The following PCDHGA10 variants were observed in gnomAD, a reference collection of about 807,000 sequenced individuals.
PCDHGA10 encodes protocadherin gamma subfamily A, 10, also known as protocadherin gamma-A10.
PCDHGA10 carries 42 observed loss-of-function variants against 59.5 expected under a neutral mutation model. The observed-to-expected ratio is 0.71, with a 90% CI of 0.55 to 0.91. The LOEUF (loss-of-function observed/expected upper bound fraction) is 0.91, where lower values mean the gene tolerates loss of function less well. PCDHGA10 is among the 40% of genes least tolerant of loss of function. The pLI is 0.00. For missense variants in PCDHGA10, 1,111 were observed against 1,198.2 expected, an observed-to-expected ratio of 0.93 and a Z score of 1.07; for synonymous variants, 511 against 517.2, an observed-to-expected ratio of 0.99 and a Z score of 0.16.
intron 1 of PCDHGA10, chr5:141,419,306 C>A: frequency 1.9e-6 from 3 of 1,614,032 alleles, no homozygotes; most frequent in Non-Finnish European, 2.5e-6. Context: ...AGACTTCGGG[C>A]TCAACGGCCG....
intron 2 of PCDHGA10, among the ~76,000 whole-genome samples, chr5:141,499,133 T>C (rs1443866975): frequency 6.6e-6 from 1 of 152,184 alleles, no homozygotes; most frequent in East Asian, 1.9e-4. Context: ...GGTCATCCTT[T>C]GGGTGTCTGA....
intron 1 of PCDHGA10, chr5:141,479,478 G>T (rs760475025): frequency 2.6e-5 from 4 of 152,408 alleles, no homozygotes; most frequent in African/African-American, 9.6e-5. Context: ...TCTTGGGAGG[G>T]CAGGACCATC....
At chr5:141,447,824 G>A (rs926580893) in intron 1 of PCDHGA10, among the ~76,000 whole-genome samples, 7 of 152,034 alleles carry the variant, frequency 4.6e-5, no homozygotes, top group Admixed American at 1.3e-4. Flanking sequence ...GGTGGCTCAC[G>A]CCTGTAATCC....
Position 141,511,002 on chromosome 5 carries a change from C to A in PCDHGA10, c.2640C>A (p.Ser880Arg), listed in dbSNP as rs143630962. The change falls in exon 4 of 4, where the codon AGC becomes AGA. Residue 880 changes from serine to arginine, a missense_variant. Physicochemically the swap from Ser to Arg is moderately radical, Grantham distance 110. Transcript: ENST00000398610. Reference protein sequence around the residue: ...LGGGAGTMGLSARYGPQFTLQ... With the variant: ...LGGGAGTMGLRARYGPQFTLQ... ...GGGGTGCCGGCACCATGGGATTGAG[C>A]GCCCGCTACGGACCCCAGTTCACCC... The A allele has an allele frequency of 8.7e-6, 14 of 1,614,140 alleles. No homozygotes were observed. The highest frequency in any genetic ancestry group is 1.2e-5 in the Non-Finnish European group (14 of 1,180,018).
chr5:141,420,044 T>C lies in PCDHGA10; in HGVS notation c.2436+4433T>C, dbSNP rs769790599. 1.7e-5 allele frequency: 27 copies of C among 1,613,934 alleles called. No individual in the cohort carries two copies. In the East Asian group the frequency reaches 6.0e-4, roughly 36 times the overall value. On this transcript the variant is annotated intron_variant, in intron 1 of 3. Coordinates refer to ENST00000398610, the MANE Select transcript of PCDHGA10 (RefSeq NM_018913.3). ...CCCTACTGCAGGAGACTGCTTTGAG[T>C]CAGTTCTCTGCTCCAAGTCCGGACC...
At chr5:141,433,828 ACT>A (rs1431945413) in intron 1 of PCDHGA10, among the ~76,000 whole-genome samples, 2 of 142,254 alleles carry the variant, frequency 1.4e-5, no homozygotes, top group Admixed American at 7.0e-5. Flanking sequence ...CAAGAGTGAA[ACT>A]CTATCTCAAA....
chr5:141,479,329 G>A (rs2099493017), intron 1 of PCDHGA10: 1 of 152,490 alleles, frequency 6.6e-6, no homozygotes, highest in African/African-American at 2.4e-5. Context: ...AGACTCAGTG[G>A]TGTGCACCTG....
chr5:141,470,023 G>A (rs1258101057), intron 1 of PCDHGA10, among the ~76,000 whole-genome samples: 1 of 152,110 alleles, frequency 6.6e-6, no homozygotes, highest in Admixed American at 6.6e-5. Context: ...CAGCTACTCG[G>A]GATGCTGAGG....
Position 141,487,665 on chromosome 5 carries a change from G to T in PCDHGA10, c.2437-7142G>T, listed in dbSNP as rs373971935. 8.7e-5 allele frequency: 141 copies of T among 1,612,724 alleles called. No individual in the cohort carries two copies. The highest frequency in any genetic ancestry group is 1.1e-4 in the Non-Finnish European group (135 of 1,179,392). On this transcript the variant is annotated intron_variant, in intron 1 of 3. Coordinates refer to ENST00000398610, the MANE Select transcript of PCDHGA10 (RefSeq NM_018913.3). The surrounding 1 kb of genome is among the most constrained non-coding windows in gnomAD (Gnocchi z 5.0). ...ATGCTTGAGGGTTATTCTGATCCAG[G>T]CATATGGCTAGGCCATGTCCTAGAG...
In PCDHGA10 at chr5:141,493,079, G is replaced by A. The variant is rs1299289839; in HGVS notation, c.2437-1728G>A. 6.6e-6 allele frequency among the ~76,000 whole-genome samples: 1 copy of A among 152,204 alleles called. No homozygotes were observed. Among genetic ancestry groups the A allele is most frequent in the East Asian group, 1.9e-4 (1 of 5,196 alleles). Reference sequence around the variant, plus strand: ...AAAAACACAAGTTTCTCCAACTCCAGGAGCTTTTATTCAAAATATATCAAT... The same window carrying A: ...AAAAACACAAGTTTCTCCAACTCCAAGAGCTTTTATTCAAAATATATCAAT... On this transcript the variant is annotated intron_variant, in intron 1 of 3. Transcript: ENST00000398610. The surrounding 1 kb of genome is among the most constrained non-coding windows in gnomAD (Gnocchi z 4.3).
chr5:141,456,641 G>A (rs2098873674), intron 1 of PCDHGA10, among the ~76,000 whole-genome samples: 1 of 152,160 alleles, frequency 6.6e-6, no homozygotes, highest in South Asian at 2.1e-4. Context: ...TACTACAGGT[G>A]TTAATCCCAA....
intron 1 of PCDHGA10, among the ~76,000 whole-genome samples, chr5:141,472,969 A>G: frequency 6.8e-6 from 1 of 147,990 alleles, no homozygotes; most frequent in Non-Finnish European, 1.5e-5. Flanking sequence ...CTGGGGAACA[A>G]GAGTGAAACT....
chr5:141,420,050 C>A, intron 1 of PCDHGA10: 1 of 1,614,076 alleles, frequency 6.2e-7, no homozygotes. Context: ...TGAGTCAGTT[C>A]TCTGCTCCAA....
rs747132868 is a variant in PCDHGA10 at position 141,431,424 on chromosome 5, G to C, written c.2436+15813G>C. ...GCCTCCGACGGGGGCGACCCGGTGC[G>C]CACAGGCACCGCGCGCATCCGCGTG... On this transcript the variant is annotated intron_variant, in intron 1 of 3. Coordinates refer to ENST00000398610, the MANE Select transcript of PCDHGA10 (RefSeq NM_018913.3). This position sits in a 1 kb window ranked among gnomAD's most constrained non-coding sequence, Gnocchi z 4.8. The C allele has an allele frequency of 6.2e-7, 1 of 1,613,558 alleles. No individual in the cohort carries two copies. The highest frequency in any genetic ancestry group is 1.1e-5 in the South Asian group (1 of 91,082).
rs2233612 is a variant in PCDHGA10 at position 141,511,014 on chromosome 5, A to G, written c.2652A>G (p.Gly884=). 8.6e-4 allele frequency: 1,386 copies of G among 1,614,082 alleles called. 14 individuals are homozygous for G. The African/African-American group carries it at 0.017, about 20-fold the overall frequency. The change falls in exon 4 of 4, where the codon GGA becomes GGG. Residue 884 remains glycine, a synonymous_variant. Coordinates refer to ENST00000398610, the MANE Select transcript of PCDHGA10 (RefSeq NM_018913.3). ...AGTMGLSARY[G]PQFTLQHVPD... ...CCATGGGATTGAGCGCCCGCTACGG[A>G]CCCCAGTTCACCCTGCAGCACGTGC...
chr5:141,484,530 A>G (rs1406516272), intron 1 of PCDHGA10, among the ~76,000 whole-genome samples: 1 of 152,200 alleles, frequency 6.6e-6, no homozygotes, highest in East Asian at 1.9e-4. Context: ...TTTTGAGTAT[A>G]TGGCAGTGGT....
chr5:141,478,164 C>G lies in PCDHGA10; in HGVS notation c.2437-16643C>G, dbSNP rs202185809. On this transcript the variant is annotated intron_variant, in intron 1 of 3. Transcript: ENST00000398610. Reference sequence around the variant, plus strand: ...GCCGAGTTCCCCTCTGGCTCTGCCCCCCGGGAGCAGAAAAAAAATCTCACC... The same window carrying G: ...GCCGAGTTCCCCTCTGGCTCTGCCCGCCGGGAGCAGAAAAAAAATCTCACC... The G allele has an allele frequency of 1.0e-4, 167 of 1,613,890 alleles. No homozygotes were observed. Among genetic ancestry groups the G allele is most frequent in the Non-Finnish European group, 1.3e-4 (157 of 1,180,048 alleles).
Position 141,414,334 on chromosome 5 carries a change from A to C in PCDHGA10, c.1159A>C (p.Thr387Pro). The C allele has an allele frequency of 6.2e-7, 1 of 1,613,782 alleles. No individual in the cohort carries two copies. Among genetic ancestry groups the C allele is most frequent in the Non-Finnish European group, 8.5e-7 (1 of 1,179,796 alleles). Residue 387 changes from threonine (T) to proline (P), a missense_variant, in exon 1 of 4, where the codon ACC becomes CCC. Thr to Pro is a conservative substitution (Grantham distance 38, BLOSUM62 -1). Coordinates refer to ENST00000398610, the MANE Select transcript of PCDHGA10 (RefSeq NM_018913.3). ...DLDSEQNGQV[T>P]CSILAYLPFK... is the part of the protein sequence containing the mutation. Reference sequence around the variant, plus strand: ...AGACTCTGAGCAGAATGGACAGGTAACCTGTTCCATTTTGGCGTATCTACC... The same window carrying C: ...AGACTCTGAGCAGAATGGACAGGTACCCTGTTCCATTTTGGCGTATCTACC...
rs377701820 is a variant in PCDHGA10 at position 141,422,031 on chromosome 5, G to A, written c.2436+6420G>A. On this transcript the variant is annotated intron_variant, in intron 1 of 3. Coordinates refer to ENST00000398610, the MANE Select transcript of PCDHGA10 (RefSeq NM_018913.3). ...CTCGGGTGCTGATGGTTAATGCAAC[G>A]GATCCAGACGAGGGAATCAACGGGG... 127 of 1,610,494 alleles carry A rather than the reference G, an allele frequency of 7.9e-5. No individual in the cohort carries two copies. In the East Asian group the frequency reaches 2.4e-3, roughly 31 times the overall value.
Sources: allele counts gnomAD v4.1 joint callset (sites outside exome capture counted in the v4.1 genomes callset), GRCh38; gene constraint gnomAD v4.1.1; non-coding constraint Gnocchi (gnomAD v3.1); transcripts MANE v1.5; gene names NCBI Gene and HGNC (gene_info 2026-07-23, HGNC 2026-07-21).